The following SMYD2 variants were observed in gnomAD, a reference collection of about 807,000 sequenced individuals.
The protein encoded by SMYD2 is SET and MYND domain containing 2, also known as N-lysine methyltransferase SMYD2.
A neutral mutation model predicts 59.1 loss-of-function variants in SMYD2; 53 were observed. The observed-to-expected ratio is 0.90, with a 90% CI of 0.72 to 1.13. The LOEUF is 1.13. Among genes scored for constraint, SMYD2 ranks in the 50% most tolerant of loss-of-function variants. The pLI is 0.00. For missense variants in SMYD2, 494 were observed against 544.7 expected (o/e 0.91, Z 0.93); for synonymous variants, 208 against 198.8 (o/e 1.05, Z -0.39).
chr1:214,296,421 C>T (rs1656728383), intron 1 of SMYD2, among the ~76,000 whole-genome samples: 1 of 151,996 alleles, frequency 6.6e-6, no homozygotes, highest in Admixed American at 6.5e-5. Flanking sequence ...TTCAAAGAGC[C>T]CTTCTGTTCA....
intron 1 of SMYD2, among the ~76,000 whole-genome samples, chr1:214,295,003 A>G (rs975029357): frequency 6.6e-6 from 1 of 152,230 alleles, no homozygotes; most frequent in African/African-American, 2.4e-5. Context: ...TTCATTACAA[A>G]GTACTAATAG....
chr1:214,314,703 TCA>T, intron 2 of SMYD2, 57 bp from the exon 3 acceptor site: 7 of 1,330,732 alleles, frequency 5.3e-6, no homozygotes, highest in East Asian at 2.3e-5. Context: ...TCCTCTCCTC[TCA>T]CACTTTATTC....
chr1:214,307,401 C>T (rs1656932055), intron 2 of SMYD2, among the ~76,000 whole-genome samples: 1 of 152,178 alleles, frequency 6.6e-6, no homozygotes, highest in Non-Finnish European at 1.5e-5. Context: ...TAGACTAAAG[C>T]TTAGCTTTAT....
chr1:214,332,224 G>C, intron 10 of SMYD2, 32 bp downstream of exon 10: 2 of 1,608,764 alleles, frequency 1.2e-6, no homozygotes, highest in Non-Finnish European at 1.7e-6. Flanking sequence ...ATCATCCACG[G>C]AGTGGAATTT....
intron 1 of SMYD2, among the ~76,000 whole-genome samples, chr1:214,291,282 G>A (rs1034982476): frequency 6.6e-6 from 1 of 152,188 alleles, no homozygotes; most frequent in Non-Finnish European, 1.5e-5. Context: ...TAAAAGGCAG[G>A]AAGATTTGTT....
chr1:214,298,888 C>T (rs1296928329), intron 1 of SMYD2, among the ~76,000 whole-genome samples: 1 of 152,190 alleles, frequency 6.6e-6, no homozygotes, highest in Non-Finnish European at 1.5e-5. Context: ...CATACTGGCT[C>T]ACATCTGTAA....
chr1:214,282,923 A>G (rs940949713), intron 1 of SMYD2, among the ~76,000 whole-genome samples: 30 of 152,128 alleles, frequency 2.0e-4, no homozygotes, highest in African/African-American at 7.2e-4. Flanking sequence ...CGGAGTCTGC[A>G]GCAGCGTGGG....
intron 5 of SMYD2, among the ~76,000 whole-genome samples, chr1:214,320,894 A>G (rs932540011): frequency 3.3e-5 from 5 of 152,238 alleles, no homozygotes; most frequent in Admixed American, 1.3e-4. Context: ...ATCCTGAGAC[A>G]ATAGATTTGG....
intron 1 of SMYD2, among the ~76,000 whole-genome samples, chr1:214,293,916 TC>T (rs1384294903): frequency 1.3e-5 from 2 of 152,088 alleles, no homozygotes; most frequent in Non-Finnish European, 2.9e-5. Context: ...CCTTAGGTGA[TC>T]CGCCTGCCTC....
intron 7 of SMYD2, among the ~76,000 whole-genome samples, chr1:214,328,793 G>A (rs1402191899): frequency 6.6e-6 from 1 of 152,172 alleles, no homozygotes; most frequent in Admixed American, 6.5e-5. Context: ...AATCCATTAC[G>A]ATGAGGGTGT....
intron 1 of SMYD2, among the ~76,000 whole-genome samples, chr1:214,302,442 C>G (rs1032942599): frequency 6.7e-6 from 1 of 148,934 alleles, no homozygotes; most frequent in Non-Finnish European, 1.5e-5. Flanking sequence ...CTCACACCTT[C>G]TGCATTGCAA....
chr1:214,288,749 ATTC>A (rs1443204838), intron 1 of SMYD2, among the ~76,000 whole-genome samples: 2 of 152,176 alleles, frequency 1.3e-5, no homozygotes, highest in Non-Finnish European at 2.9e-5. Context: ...AGCTACACAT[ATTC>A]TTTTATATGT....
In SMYD2 at chr1:214,318,219, G is replaced by A. The variant is rs995856639; in HGVS notation, c.409+80G>A. The stretch of plus-strand genomic sequence containing the variant: ...GTTGGGCAGGATTGAAGCGAGGACG[G>A]GCTAGTTTGTGCTCAGAGGAGTAGT... On this transcript the variant is annotated intron_variant, in intron 4 of 11. Transcript: ENST00000366957. This position sits in a 1 kb window ranked among gnomAD's most constrained non-coding sequence, Gnocchi z 5.4. 4.4e-5 allele frequency: 59 copies of A among 1,343,666 alleles called. No homozygotes were observed. Among genetic ancestry groups the A allele is most frequent in the Admixed American group, 9.9e-5 (5 of 50,548 alleles). 83.2% of individuals were successfully genotyped at this position (1,343,666 alleles called of 1,614,324 possible).
chr1:214,330,131 G>A, intron 7 of SMYD2, 37 bp from the exon 8 acceptor site: 1 of 1,405,232 alleles, frequency 7.1e-7, no homozygotes, highest in South Asian at 1.3e-5. Context: ...GAGTTTACCT[G>A]TAGCAGACTG....
intron 5 of SMYD2, among the ~76,000 whole-genome samples, chr1:214,324,240 T>C (rs1657223767): frequency 6.6e-6 from 1 of 152,204 alleles, no homozygotes; most frequent in Non-Finnish European, 1.5e-5. Flanking sequence ...CCCAGCCAGA[T>C]TGATTCTTTT....
intron 1 of SMYD2, among the ~76,000 whole-genome samples, chr1:214,287,998 A>G (rs774623110): frequency 2.0e-5 from 3 of 152,220 alleles, no homozygotes; most frequent in Non-Finnish European, 2.9e-5. Flanking sequence ...AATTTCTGTT[A>G]TAGCTTATAG....
At position 214,314,783 on chromosome 1, in the gene SMYD2, A is replaced by G. The variant is rs372275852; in HGVS notation, c.259A>G (p.Lys87Glu). ...ECQKEDWPMH[K>E]LECSPMVVFG... ...CCAGAAAGAAGATTGGCCCATGCAC[A>G]AGCTGGAATGTTCTCCCATGGTTGT... is the stretch of plus-strand genomic sequence containing the variant. The change falls in exon 3 of 12, where the codon AAG (lysine) becomes GAG (glutamate). Residue 87 changes from lysine to glutamate, a missense_variant. Coordinates refer to ENST00000366957, the MANE Select transcript of SMYD2 (RefSeq NM_020197.3). 2.5e-6 allele frequency: 4 copies of G among 1,614,134 alleles called. No individual in the cohort carries two copies. The highest frequency in any genetic ancestry group is 2.7e-5 in the African/African-American group (2 of 75,052).
chr1:214,327,674 G>C lies in SMYD2; in HGVS notation c.655G>C (p.Gly219Arg). Residue 219 changes from glycine to arginine, a missense_variant, in exon 7 of 12, where the codon GGG becomes CGG. Transcript: ENST00000366957. ...CCCCAATGTCATTGTGACCTACAAA[G>C]GGACCCTGGCAGAAGTCAGAGCTGT... ...CCPNVIVTYK[G>R]TLAEVRAVQE... The C allele has an allele frequency of 6.2e-7, 1 of 1,614,182 alleles. No individual in the cohort carries two copies. The highest frequency in any genetic ancestry group is 8.5e-7 in the Non-Finnish European group (1 of 1,180,014).
At chr1:214,292,581 A>AT (rs1656654300) in intron 1 of SMYD2, among the ~76,000 whole-genome samples, 1 of 152,214 alleles carries the variant, frequency 6.6e-6, no homozygotes, top group Non-Finnish European at 1.5e-5. Flanking sequence ...TTTGCGAAAT[A>AT]TATTAGTCTC....
Sources: allele counts gnomAD v4.1 joint callset (sites outside exome capture counted in the v4.1 genomes callset), GRCh38; gene constraint gnomAD v4.1.1; non-coding constraint Gnocchi (gnomAD v3.1); transcripts MANE v1.5; gene names NCBI Gene and HGNC (gene_info 2026-07-23, HGNC 2026-07-21).